PKIB: variants seen among roughly 807,000 people sequenced by gnomAD.
PKIB encodes cAMP-dependent protein kinase inhibitor beta.
PKIB carries 2 observed loss-of-function variants against 4.5 expected under a neutral mutation model. The observed-to-expected ratio is 0.44, with a 90% CI of 0.18 to 1.39. The LOEUF (loss-of-function observed/expected upper bound fraction) is 1.39, where lower values mean the gene tolerates loss of function less well. Ranked by LOEUF, PKIB falls within the 40% of genes most tolerant of loss-of-function variation. The probability of loss-of-function intolerance (pLI) is 0.27; values close to 1 mark genes in which losing one functional copy is unlikely to be tolerated. For missense variants in PKIB, 94 were observed against 92.6 expected, an observed-to-expected ratio of 1.02 and a Z score of -0.06; for synonymous variants, 38 against 36.0, an observed-to-expected ratio of 1.06 and a Z score of -0.20.
chr6:122,663,468 G>A (rs1296708241), intron 2 of PKIB, among the ~76,000 whole-genome samples: 3 of 152,226 alleles, frequency 2.0e-5, no homozygotes, highest in African/African-American at 7.2e-5. Context: ...CAAACTGGGC[G>A]GCTTAAAACA....
intron 2 of PKIB, among the ~76,000 whole-genome samples, chr6:122,665,007 C>G (rs1203920569): frequency 6.6e-6 from 1 of 152,062 alleles, no homozygotes; most frequent in Non-Finnish European, 1.5e-5. Context: ...GAATGGCAGC[C>G]ATGAAGTATA....
intron 2 of PKIB, among the ~76,000 whole-genome samples, chr6:122,561,157 C>G (rs1300414233): frequency 6.6e-6 from 1 of 151,844 alleles, no homozygotes; most frequent in Non-Finnish European, 1.5e-5. Context: ...CACTTTCAGT[C>G]TTTTTGATGT....
chr6:122,703,943 G>T (rs9388122), intron 3 of PKIB, among the ~76,000 whole-genome samples: 37,541 of 85,882 alleles, frequency 0.44, 5,235 homozygotes, highest in Admixed American at 0.5. Context: ...TATATATATA[G>T]AGAGAGAGAG....
Position 122,541,683 on chromosome 6 carries a change from G to A in PKIB, c.-247-44238G>A, listed in dbSNP as rs1042523801. Reference sequence around the variant, plus strand: ...GTCTTGGAGTTGCTCTTCTCGAGGAGTATCTTTGTGGCGTTCTCTGTATTT... The same window carrying A: ...GTCTTGGAGTTGCTCTTCTCGAGGAATATCTTTGTGGCGTTCTCTGTATTT... On this transcript the variant is annotated intron_variant, in intron 2 of 6. Coordinates refer to the PKIB transcript ENST00000392491. Among the ~76,000 whole-genome samples the A allele has an allele frequency of 9.2e-5, 14 of 151,888 alleles. 1 individual carries two copies. The highest frequency in any genetic ancestry group is 1.6e-4 in the Non-Finnish European group (11 of 68,028).
chr6:122,641,777 T>C (rs2114850610), intron 2 of PKIB, among the ~76,000 whole-genome samples: 1 of 152,330 alleles, frequency 6.6e-6, no homozygotes, highest in African/African-American at 2.4e-5. Context: ...CACTGCAACC[T>C]CTGCCTCCTG....
At chr6:122,523,811 CA>C (rs1282742167) in intron 2 of PKIB, among the ~76,000 whole-genome samples, 1 of 151,844 alleles carries the variant, frequency 6.6e-6, no homozygotes, top group East Asian at 1.9e-4. Flanking sequence ...TGTTCCCCTG[CA>C]CAAGCTCTCT....
At chr6:122,651,219 G>A (rs138513223) in intron 2 of PKIB, among the ~76,000 whole-genome samples, 100 of 152,228 alleles carry the variant, frequency 6.6e-4, no homozygotes, top group African/African-American at 2.3e-3. Context: ...TCAAGTTTAT[G>A]TTCCTTCCAC....
At chr6:122,692,725 A>G (rs1778407325) in intron 3 of PKIB, among the ~76,000 whole-genome samples, 1 of 152,196 alleles carries the variant, frequency 6.6e-6, no homozygotes, top group South Asian at 2.1e-4. Flanking sequence ...ATAAAGGTGT[A>G]GATAGTTGTT....
chr6:122,591,049 CA>C (rs1774004331), intron 3 of PKIB, among the ~76,000 whole-genome samples: 1 of 150,706 alleles, frequency 6.6e-6, no homozygotes, highest in Admixed American at 6.6e-5. Flanking sequence ...AACAAAAAAA[CA>C]AACCCTGATT....
intron 2 of PKIB, among the ~76,000 whole-genome samples, chr6:122,545,739 A>G (rs1301284220): frequency 6.0e-5 from 9 of 151,170 alleles, no homozygotes; most frequent in African/African-American, 2.2e-4. Context: ...CCCCTGCAAC[A>G]TGCAATTTAC....
chr6:122,690,808 A>G (rs184419207), intron 3 of PKIB, among the ~76,000 whole-genome samples: 58 of 151,784 alleles, frequency 3.8e-4, no homozygotes, highest in Admixed American at 3.3e-3. Context: ...TTTCTTTCTG[A>G]TTGAAGAACT....
chr6:122,602,348 G>C (rs373228805), intron 3 of PKIB, among the ~76,000 whole-genome samples: 1 of 152,284 alleles, frequency 6.6e-6, no homozygotes, highest in East Asian at 1.9e-4. Context: ...ATACAGAAAG[G>C]AGACAGGCTT....
chr6:122,520,402 A>G (rs1247315250), intron 2 of PKIB, among the ~76,000 whole-genome samples: 1 of 152,206 alleles, frequency 6.6e-6, no homozygotes, highest in African/African-American at 2.4e-5. Context: ...ATCTGACTTG[A>G]TAAAGGGATT....
At chr6:122,590,373 A>G (rs1252287037) in intron 3 of PKIB, among the ~76,000 whole-genome samples, 1 of 152,176 alleles carries the variant, frequency 6.6e-6, no homozygotes, top group Non-Finnish European at 1.5e-5. Context: ...ACAGATTTTA[A>G]GATCTTGGGT....
chr6:122,582,104 A>G (rs1375171684), intron 2 of PKIB, among the ~76,000 whole-genome samples: 2 of 152,102 alleles, frequency 1.3e-5, no homozygotes, highest in Admixed American at 1.3e-4. Context: ...ATGATAGATG[A>G]GGACTTTGTA....
chr6:122,484,197 A>C (rs1775701985), intron 2 of PKIB: 1 of 152,062 alleles, frequency 6.6e-6, no homozygotes. Flanking sequence ...GAAAAAAAAA[A>C]CCACTCTTGC....
chr6:122,625,712 G>A (rs1775413036), intron 1 of PKIB, among the ~76,000 whole-genome samples: 3 of 151,904 alleles, frequency 2.0e-5, no homozygotes, highest in Admixed American at 2.0e-4. Context: ...AGTTGCCAAG[G>A]TTAGTTTAAA....
At chr6:122,673,699 A>G (rs1777554753) in intron 2 of PKIB, among the ~76,000 whole-genome samples, 1 of 152,222 alleles carries the variant, frequency 6.6e-6, no homozygotes, top group African/African-American at 2.4e-5. Flanking sequence ...GCACCTTGAC[A>G]TTCAACAGGT....
At chr6:122,478,387 A>AT in intron 2 of PKIB, 1 of 152,014 alleles carries the variant, frequency 6.6e-6, no homozygotes, top group Non-Finnish European at 1.5e-5. Flanking sequence ...CTCTCTACCT[A>AT]TTTTCTCCGC....
Sources: gnomAD v4.1 joint callset for allele counts (sites outside exome capture counted in the v4.1 genomes callset) on GRCh38, gnomAD v4.1.1 for gene constraint, MANE v1.5 for transcripts, NCBI Gene and HGNC (gene_info 2026-07-23, HGNC 2026-07-21) for gene names.